Variants in GRID1 observed in about 807,000 individuals in gnomAD.
GRID1 encodes glutamate receptor ionotropic, delta-1.
Under a neutral mutation model 98.0 loss-of-function variants are expected in GRID1, and 28 were observed. The ratio of observed to expected loss-of-function variants is 0.29; its 90% confidence interval spans 0.21 to 0.39. The LOEUF is 0.39. Ranked by LOEUF, GRID1 falls within the 10% of genes least tolerant of loss-of-function variation. The probability of loss-of-function intolerance (pLI) is 1.00; values close to 1 mark genes in which losing one functional copy is unlikely to be tolerated. For synonymous variants in GRID1, 553 were observed against 538.5 expected (o/e 1.03, Z -0.37); for missense variants, 1,111 against 1,340.5 (o/e 0.83, Z 2.67).
At chr10:86,322,630 C>G (rs1847986636) in intron 2 of GRID1, among the ~76,000 whole-genome samples, 1 of 151,798 alleles carries the variant, frequency 6.6e-6, no homozygotes, top group Non-Finnish European at 1.5e-5. Context: ...AGGCTGGTCT[C>G]AAACTCCTGA....
At chr10:86,364,763 G>A (rs1848651108) in intron 1 of GRID1, among the ~76,000 whole-genome samples, 1 of 152,248 alleles carries the variant, frequency 6.6e-6, no homozygotes, top group Non-Finnish European at 1.5e-5. Flanking sequence ...AGGGGAGTGG[G>A]GGAAGGGGAC....
intron 2 of GRID1, among the ~76,000 whole-genome samples, chr10:86,208,766 C>T (rs187813473): frequency 1.3e-5 from 2 of 152,326 alleles, no homozygotes; most frequent in Non-Finnish European, 2.9e-5. Context: ...CAGACACAGG[C>T]TAAGCCCAGT....
At chr10:86,007,158 G>A (rs1842871000) in intron 4 of GRID1, among the ~76,000 whole-genome samples, 1 of 152,176 alleles carries the variant, frequency 6.6e-6, no homozygotes, top group Non-Finnish European at 1.5e-5. Context: ...AAGGTGATAA[G>A]AAAATTAAAC....
intron 8 of GRID1, among the ~76,000 whole-genome samples, chr10:85,851,166 C>A (rs1387376155): frequency 6.6e-6 from 1 of 152,026 alleles, no homozygotes; most frequent in Non-Finnish European, 1.5e-5. Flanking sequence ...CAGTTCTGAG[C>A]CCTGAAAAAA....
chr10:86,123,728 G>C (rs115389523), intron 4 of GRID1, among the ~76,000 whole-genome samples: 2 of 152,188 alleles, frequency 1.3e-5, no homozygotes, highest in African/African-American at 4.8e-5. Context: ...AAAGGGGCAC[G>C]TCCTCTCTCA....
intron 8 of GRID1, among the ~76,000 whole-genome samples, chr10:85,758,210 T>C (rs762935571): frequency 5.3e-5 from 8 of 152,260 alleles, no homozygotes; most frequent in Non-Finnish European, 1.0e-4. Flanking sequence ...ATTTTAATTA[T>C]CTTTTGCTGC....
At chr10:85,864,650 G>C (rs1009844723) in intron 6 of GRID1, among the ~76,000 whole-genome samples, 1 of 152,120 alleles carries the variant, frequency 6.6e-6, no homozygotes, top group Admixed American at 6.5e-5. Flanking sequence ...TCTACCAACA[G>C]GTTGACAAAA....
At chr10:86,221,914 C>CTCCTCG (rs1472322062) in intron 2 of GRID1, among the ~76,000 whole-genome samples, 1 of 152,030 alleles carries the variant, frequency 6.6e-6, no homozygotes, top group Non-Finnish European at 1.5e-5. Context: ...CCTCCTCCTC[C>CTCCTCG]TCCTCACCCG....
intron 5 of GRID1, among the ~76,000 whole-genome samples, chr10:85,908,833 A>C (rs1178895854): frequency 6.6e-6 from 1 of 152,222 alleles, no homozygotes; most frequent in Non-Finnish European, 1.5e-5. Context: ...GATTGGCATA[A>C]AGACAGAAAA....
chr10:85,746,998 G>A (rs1259296687), intron 8 of GRID1, among the ~76,000 whole-genome samples: 4 of 152,140 alleles, frequency 2.6e-5, no homozygotes, highest in Non-Finnish European at 5.9e-5. Context: ...CTCCCATACA[G>A]TAGGTGAACT....
At chr10:86,223,998 C>T (rs1399886683) in intron 2 of GRID1, among the ~76,000 whole-genome samples, 2 of 152,082 alleles carry the variant, frequency 1.3e-5, no homozygotes, top group African/African-American at 4.8e-5. Flanking sequence ...AAACCAAAGA[C>T]CAGAAGATGA....
rs534505991 is a variant in GRID1 at position 85,933,526 on chromosome 10, A to T, written c.727-17287T>A. Among the ~76,000 whole-genome samples the T allele has an allele frequency of 9.9e-5, 15 of 152,260 alleles. No homozygotes were observed. The South Asian group carries it at 2.7e-3, about 27-fold the overall frequency. ...ATTTTCATACACTTTGGAAAGGTGGACCTTCTGGCCAGACTTTGGGATAAA... is the reference window on the plus strand; with the variant it reads ...ATTTTCATACACTTTGGAAAGGTGGTCCTTCTGGCCAGACTTTGGGATAAA... On this transcript the variant is annotated intron_variant, in intron 4 of 15. Transcript: ENST00000327946.
chr10:85,709,104 T>C, intron 12 of GRID1: 1 of 336,658 alleles, frequency 3.0e-6, no homozygotes, highest in Non-Finnish European at 6.0e-6. Flanking sequence ...GGAATGACCC[T>C]GACTTTGAGA....
At chr10:85,875,440 T>C (rs1843319785) in intron 5 of GRID1, among the ~76,000 whole-genome samples, 1 of 152,202 alleles carries the variant, frequency 6.6e-6, no homozygotes, top group Admixed American at 6.5e-5. Context: ...ATATTTTACA[T>C]CCATATTTGA....
chr10:85,924,354 G>T (rs1335519322), intron 4 of GRID1, among the ~76,000 whole-genome samples: 1 of 152,068 alleles, frequency 6.6e-6, no homozygotes, highest in African/African-American at 2.4e-5. Flanking sequence ...GCCTGTATTT[G>T]CAATTAACAC....
At chr10:86,245,277 G>A (rs183631938) in intron 2 of GRID1, among the ~76,000 whole-genome samples, 127 of 152,308 alleles carry the variant, frequency 8.3e-4, no homozygotes, top group Middle Eastern at 3.4e-3. Context: ...AACCCCTTAC[G>A]GCAAGTGGGC....
At chr10:86,111,268 C>A (rs1006607301) in intron 4 of GRID1, among the ~76,000 whole-genome samples, 2 of 152,190 alleles carry the variant, frequency 1.3e-5, no homozygotes, top group African/African-American at 4.8e-5. Flanking sequence ...CAGCAAGTCA[C>A]AGGGTTTTTA....
chr10:85,683,737 C>G (rs984184496), intron 12 of GRID1, among the ~76,000 whole-genome samples: 17 of 152,144 alleles, frequency 1.1e-4, no homozygotes, highest in African/African-American at 4.1e-4. Flanking sequence ...TATTTTGAAA[C>G]CTTTCTACAT....
At position 86,206,227 on chromosome 10, in the gene GRID1, G is replaced by T; in HGVS notation, c.520+137C>A. On this transcript the variant is annotated intron_variant, in intron 3 of 15. Coordinates refer to ENST00000327946, the MANE Select transcript of GRID1 (RefSeq NM_017551.3). The surrounding 1 kb of genome is among the most constrained non-coding windows in gnomAD (Gnocchi z 4.1). Reference sequence around the variant, plus strand: ...CTCTTCCTGACTCATGAAGCTCGAGGTTTGACCCTATCACCTGGAGGCCCA... The same window carrying T: ...CTCTTCCTGACTCATGAAGCTCGAGTTTTGACCCTATCACCTGGAGGCCCA... 1.4e-6 allele frequency: 1 copy of T among 702,994 alleles called. No individual in the cohort carries two copies. The highest frequency in any genetic ancestry group is 2.3e-6 in the Non-Finnish European group (1 of 432,694). 43.5% of individuals were successfully genotyped at this position (702,994 alleles called of 1,614,324 possible). A position where few individuals can be genotyped will look rare whatever the true frequency, so the allele number is the denominator to read the frequency against.
Sources: allele counts gnomAD v4.1 joint callset (sites outside exome capture counted in the v4.1 genomes callset), GRCh38; gene constraint gnomAD v4.1.1; non-coding constraint Gnocchi (gnomAD v3.1); transcripts MANE v1.5; gene names NCBI Gene and HGNC (gene_info 2026-07-23, HGNC 2026-07-21).